POLR2J: variants seen among roughly 807,000 people sequenced by gnomAD.
The protein encoded by POLR2J is RNA polymerase II subunit J.
POLR2J carries 12 observed loss-of-function variants against 13.4 expected under a neutral mutation model. That is an observed-to-expected ratio of 0.90 (90% confidence interval 0.57 to 1.45). POLR2J has a LOEUF of 1.45. Among genes scored for constraint, POLR2J ranks in the 40% most tolerant of loss-of-function variants. The pLI, the probability that POLR2J is intolerant of heterozygous loss-of-function variation, is 0.00. For missense variants in POLR2J, 58 were observed against 132.0 expected (o/e 0.44, Z 2.75); for synonymous variants, 31 against 53.6 (o/e 0.58, Z 1.84).
chr7:102,473,255 C>CAGAG lies in POLR2J; in HGVS notation c.*390_*393dup, dbSNP rs1164027644. 16 of 655,498 alleles carry CAGAG rather than the reference C, an allele frequency of 2.4e-5. No individual in the cohort carries two copies. The highest frequency in any genetic ancestry group is 2.0e-4 in the African/African-American group (11 of 54,700). The allele number at this position is 655,498 out of a possible 1,614,324, so 40.6% of individuals were successfully genotyped here. On this transcript the variant is annotated 3_prime_UTR_variant, in exon 4 of 4. Coordinates refer to ENST00000292614, the MANE Select transcript of POLR2J (RefSeq NM_006234.6). ...GGCCCAGGAGTTGAGGCTTCTAGAGCAGAGACTCTTGGGAGCTCATGGGTT... is the reference window on the plus strand; with the variant it reads ...GGCCCAGGAGTTGAGGCTTCTAGAGCAGAGAGAGACTCTTGGGAGCTCATGGGTT...
chr7:102,476,464 G>C (rs1275494028), intron 1 of POLR2J, among the ~76,000 whole-genome samples, 194 bp from the exon 2 acceptor site: 1 of 150,866 alleles, frequency 6.6e-6, no homozygotes, highest in Non-Finnish European at 1.5e-5. Flanking sequence ...AACCCTGCCT[G>C]TACTAAAAAT....
rs1184122955 is a variant in POLR2J at position 102,473,207 on chromosome 7, G to A, written c.*442C>T. On this transcript the variant is annotated 3_prime_UTR_variant, in exon 4 of 4. Transcript: ENST00000292614. The stretch of plus-strand genomic sequence containing the variant: ...TGTTTCGAGTTATGCAGGAAGAAGT[G>A]TTCCTGCTTTGACTGACAGGCAGGC... 1.1e-6 allele frequency: 1 copy of A among 883,518 alleles called. No homozygotes were observed. The highest frequency in any genetic ancestry group is 1.7e-6 in the Non-Finnish European group (1 of 596,702). The allele number at this position is 883,518 out of a possible 1,614,324, so 54.7% of individuals were successfully genotyped here.
Position 102,478,892 on chromosome 7 carries a change from G to A in POLR2J, c.-32C>T, listed in dbSNP as rs761166373. 58 of 1,609,376 alleles carry A rather than the reference G, an allele frequency of 3.6e-5. 1 individual carries two copies. In the Admixed American group the frequency reaches 7.0e-4, roughly 19 times the overall value. On this transcript the variant is annotated 5_prime_UTR_variant, in exon 1 of 4. Transcript: ENST00000292614. ...GCCGCCGTTGCGTCCAGACCCCAAGGGTCCGCCGCCGCCGCCACCAGAGCC... is the reference window on the plus strand; with the variant it reads ...GCCGCCGTTGCGTCCAGACCCCAAGAGTCCGCCGCCGCCGCCACCAGAGCC...
chr7:102,473,913 C>T lies in POLR2J; in HGVS notation c.319-229G>A, dbSNP rs554939837. 75 of 1,434,858 alleles carry T rather than the reference C, an allele frequency of 5.2e-5. 1 individual carries two copies. The highest frequency in any genetic ancestry group is 4.9e-4 in the Admixed American group (17 of 34,808). The allele number at this position is 1,434,858 out of a possible 1,614,324, so 88.9% of individuals were successfully genotyped here. A position where few individuals can be genotyped will look rare whatever the true frequency, so the allele number is the denominator to read the frequency against. On this transcript the variant is annotated intron_variant, in intron 3 of 3. Coordinates refer to ENST00000292614, the MANE Select transcript of POLR2J (RefSeq NM_006234.6). Reference sequence around the variant, plus strand: ...CCCCAGAGGCTTCCTGGTGAGCAGACGACTCAGACGTTGAAATCCCCCAAG... The same window carrying T: ...CCCCAGAGGCTTCCTGGTGAGCAGATGACTCAGACGTTGAAATCCCCCAAG...
Position 102,473,627 on chromosome 7 carries a change from C to T in POLR2J, c.*22G>A, listed in dbSNP as rs141765538. The T allele has an allele frequency of 9.4e-4, 1,523 of 1,613,528 alleles. 19 individuals are homozygous for T. The African/African-American group carries it at 0.018, about 19-fold the overall frequency. On this transcript the variant is annotated 3_prime_UTR_variant, in exon 4 of 4. Transcript: ENST00000292614. ...ACAGGTAGGAACGGGGCTCACAGGC[C>T]GAGCAGAGCCCCCTCTGGCCCCTAC...
At chr7:102,478,592 C>A (rs866401018) in intron 1 of POLR2J, among the ~76,000 whole-genome samples, 42 of 151,500 alleles carry the variant, frequency 2.8e-4, no homozygotes, top group Middle Eastern at 3.4e-3. Flanking sequence ...GTGTCCGGGG[C>A]AACTTGCTCG....
intron 1 of POLR2J, among the ~76,000 whole-genome samples, chr7:102,478,524 G>A (rs555537666): frequency 0.01 from 1,559 of 152,076 alleles, 29 homozygotes; most frequent in African/African-American, 0.037. Context: ...GATCCCAGAG[G>A]AAAAGGGCTA....
intron 1 of POLR2J, among the ~76,000 whole-genome samples, chr7:102,476,787 C>CTT (rs201298193): frequency 1.0e-5 from 1 of 97,586 alleles, no homozygotes. Flanking sequence ...TGAATTCCTC[C>CTT]TTTTTTTTTT....
Position 102,473,560 on chromosome 7 carries a change from G to A in POLR2J, c.*89C>T, listed in dbSNP as rs531771531. 9.7e-5 allele frequency: 153 copies of A among 1,573,280 alleles called. No homozygotes were observed. Among genetic ancestry groups the A allele is most frequent in the Admixed American group, 4.1e-4 (22 of 54,306 alleles). On this transcript the variant is annotated 3_prime_UTR_variant, in exon 4 of 4. Transcript: ENST00000292614. ...CACAAGGCGGGCCATGGCTGGGACC[G>A]GCCGCTCTCCTCGGTGTGGTACCTG...
rs761932908 is a variant in POLR2J, at chr7:102,478,895, C to G, written c.-35G>C. 45 of 1,460,506 alleles carry G rather than the reference C, an allele frequency of 3.1e-5. No homozygotes were observed. Among genetic ancestry groups the G allele is most frequent in the Non-Finnish European group, 4.2e-5 (44 of 1,054,508 alleles). The allele number at this position is 1,460,506 out of a possible 1,614,324, so 90.5% of individuals were successfully genotyped here. A position where few individuals can be genotyped will look rare whatever the true frequency, so the allele number is the denominator to read the frequency against. On this transcript the variant is annotated 5_prime_UTR_variant, in exon 1 of 4. Transcript: ENST00000292614. ...GCCGTTGCGTCCAGACCCCAAGGGT[C>G]CGCCGCCGCCGCCACCAGAGCCCTA...
intron 3 of POLR2J, chr7:102,473,914 G>A (rs1421312833): frequency 1.7e-5 from 24 of 1,434,662 alleles, no homozygotes; most frequent in Admixed American, 5.7e-5. Context: ...GTGAGCAGAC[G>A]ACTCAGACGT....
chr7:102,473,832 C>T, intron 3 of POLR2J, 148 bp from the exon 4 acceptor site: 1 of 1,460,940 alleles, frequency 6.8e-7, no homozygotes, highest in Admixed American at 2.5e-5. Flanking sequence ...CCAAAGGGCC[C>T]TCCCAGCTGG....
At chr7:102,474,171 G>A in intron 3 of POLR2J, 190 bp downstream of exon 3, 2 of 1,541,512 alleles carry the variant, frequency 1.3e-6, no homozygotes, top group Non-Finnish European at 8.7e-7. Context: ...GGGCAGACGG[G>A]AGCCACAGGC....
In POLR2J at chr7:102,473,405, C is replaced by CCTGA; in HGVS notation, c.*240_*243dup. ...AAACAGGTCATCTGCCTGCATCAAGCCTGACAATCCATTTGCTTGCGAAGT... is the reference window on the plus strand; with the variant it reads ...AAACAGGTCATCTGCCTGCATCAAGCCTGACTGACAATCCATTTGCTTGCGAAGT... On this transcript the variant is annotated 3_prime_UTR_variant, in exon 4 of 4. Transcript: ENST00000292614. 1.7e-6 allele frequency: 1 copy of CCTGA among 576,810 alleles called. No homozygotes were observed. The highest frequency in any genetic ancestry group is 2.9e-6 in the Non-Finnish European group (1 of 348,272). The allele number at this position is 576,810 out of a possible 1,614,324, so 35.7% of individuals were successfully genotyped here. A position where few individuals can be genotyped will look rare whatever the true frequency, so the allele number is the denominator to read the frequency against.
intron 3 of POLR2J, 73 bp from the exon 4 acceptor site, chr7:102,473,757 A>T: frequency 6.3e-7 from 1 of 1,595,322 alleles, no homozygotes; most frequent in South Asian, 1.1e-5. Context: ...CATGCCCAGC[A>T]TCCCCCCCGC....
At chr7:102,475,201 C>G (rs1455229202) in intron 2 of POLR2J, among the ~76,000 whole-genome samples, 1 of 152,128 alleles carries the variant, frequency 6.6e-6, no homozygotes, top group Non-Finnish European at 1.5e-5. Context: ...TCCATCCCTG[C>G]GCCTGCCCAC....
Position 102,473,437 on chromosome 7 carries a change from T to A in POLR2J, c.*212A>T. On this transcript the variant is annotated 3_prime_UTR_variant, in exon 4 of 4. Coordinates refer to ENST00000292614, the MANE Select transcript of POLR2J (RefSeq NM_006234.6). Reference sequence around the variant, plus strand: ...ATCCATTTGCTTGCGAAGTCACCGCTGCTCAAGTCCACATCCAGGTCTCTC... The same window carrying A: ...ATCCATTTGCTTGCGAAGTCACCGCAGCTCAAGTCCACATCCAGGTCTCTC... The A allele has an allele frequency of 4.3e-6, 3 of 700,734 alleles. No homozygotes were observed. Among genetic ancestry groups the A allele is most frequent in the Non-Finnish European group, 6.7e-6 (3 of 446,552 alleles). The allele number at this position is 700,734 out of a possible 1,614,324, so 43.4% of individuals were successfully genotyped here.
At chr7:102,473,916 C>A (rs1798327461) in intron 3 of POLR2J, 2 of 1,435,704 alleles carry the variant, frequency 1.4e-6, no homozygotes, top group Admixed American at 5.7e-5. Context: ...GAGCAGACGA[C>A]TCAGACGTTG....
chr7:102,473,768 C>T (rs1421518917), intron 3 of POLR2J, 84 bp from the exon 4 acceptor site: 3 of 1,581,232 alleles, frequency 1.9e-6, no homozygotes. Context: ...TCCCCCCCGC[C>T]AGGCCCTTCC....
Sources: gnomAD v4.1 joint callset for allele counts (sites outside exome capture counted in the v4.1 genomes callset) on GRCh38, gnomAD v4.1.1 for gene constraint, MANE v1.5 for transcripts, NCBI Gene and HGNC (gene_info 2026-07-23, HGNC 2026-07-21) for gene names.